The following ARAP2 variants were observed in gnomAD, a reference collection of about 807,000 sequenced individuals.
ARAP2 encodes the protein ArfGAP with RhoGAP domain, ankyrin repeat and PH domain 2.
ARAP2 carries 148 observed loss-of-function variants against 194.5 expected under a neutral mutation model. The observed-to-expected ratio is 0.76, with a 90% CI of 0.67 to 0.87. The LOEUF (loss-of-function observed/expected upper bound fraction) is 0.87, where lower values mean the gene tolerates loss of function less well. ARAP2 is among the 40% of genes least tolerant of loss of function. ARAP2 has a pLI of 0.00. For synonymous variants in ARAP2, 695 were observed against 683.5 expected (o/e 1.02, Z -0.26); for missense variants, 2,128 against 1,989.7 (o/e 1.07, Z -1.32).
intron 8 of ARAP2, among the ~76,000 whole-genome samples, chr4:36,183,101 T>G (rs1578196353): frequency 6.6e-6 from 1 of 152,058 alleles, no homozygotes; most frequent in Admixed American, 6.5e-5. Flanking sequence ...TTCCAGAATA[T>G]CATAATGAAG....
At chr4:36,191,820 T>C (rs1741976715) in intron 7 of ARAP2, among the ~76,000 whole-genome samples, 1 of 151,612 alleles carries the variant, frequency 6.6e-6, no homozygotes, top group Non-Finnish European at 1.5e-5. Flanking sequence ...AAAATGGGGG[T>C]GAGTTAGATT....
At chr4:36,087,063 T>C (rs145940975) in intron 28 of ARAP2, among the ~76,000 whole-genome samples, 138 of 152,196 alleles carry the variant, frequency 9.1e-4, no homozygotes, top group African/African-American at 3.2e-3. Context: ...TTAAAAAATA[T>C]ATACAAGCAT....
At chr4:36,148,556 A>C (rs1730192824) in intron 16 of ARAP2, 49 bp from the exon 17 acceptor site, 1 of 1,328,116 alleles carries the variant, frequency 7.5e-7, no homozygotes, top group East Asian at 2.3e-5. Flanking sequence ...TTTAGCTCTT[A>C]AGAAAATGAA....
At chr4:36,164,530 A>G (rs1001842520) in intron 11 of ARAP2, among the ~76,000 whole-genome samples, 2 of 152,180 alleles carry the variant, frequency 1.3e-5, no homozygotes, top group African/African-American at 2.4e-5. Context: ...AGTGCTCAAA[A>G]CAACACTGAG....
At chr4:36,186,581 C>G (rs981914466) in intron 8 of ARAP2, among the ~76,000 whole-genome samples, 3 of 152,210 alleles carry the variant, frequency 2.0e-5, no homozygotes, top group Non-Finnish European at 4.4e-5. Flanking sequence ...CAGGGCCACA[C>G]AGCAGAAGGT....
At chr4:36,160,839 CTAAA>C (rs1560562156) in intron 12 of ARAP2, among the ~76,000 whole-genome samples, 198 bp from the exon 13 acceptor site, 1 of 152,160 alleles carries the variant, frequency 6.6e-6, no homozygotes, top group Admixed American at 6.5e-5. Context: ...CCTACCCACT[CTAAA>C]TAATGGAGAA....
chr4:36,114,653 T>C (rs113602517), intron 25 of ARAP2, among the ~76,000 whole-genome samples: 127 of 152,132 alleles, frequency 8.3e-4, no homozygotes, highest in Admixed American at 1.9e-3. Flanking sequence ...ATTAAGAGTG[T>C]AGAGTGACTT....
At chr4:36,073,430 G>A (rs780719085) in intron 32 of ARAP2, among the ~76,000 whole-genome samples, 1 of 152,024 alleles carries the variant, frequency 6.6e-6, no homozygotes, top group Non-Finnish European at 1.5e-5. Flanking sequence ...ATTTCTATAC[G>A]CATATTTTAA....
chr4:36,159,194 G>C, intron 14 of ARAP2, 137 bp downstream of exon 14: 7 of 876,428 alleles, frequency 8.0e-6, no homozygotes, highest in Non-Finnish European at 9.7e-6. Context: ...ATAGTCTTAG[G>C]CATCTCCATC....
At chr4:36,151,899 T>C (rs1224387582) in intron 15 of ARAP2, among the ~76,000 whole-genome samples, 1 of 152,200 alleles carries the variant, frequency 6.6e-6, no homozygotes, top group Admixed American at 6.5e-5. Context: ...GGGTAAAATG[T>C]ATATGAGAAT....
At chr4:36,118,070 A>C (rs901331378) in intron 24 of ARAP2, among the ~76,000 whole-genome samples, 2 of 151,394 alleles carry the variant, frequency 1.3e-5, no homozygotes, top group South Asian at 4.1e-4. Flanking sequence ...ACTTGTGGGG[A>C]AAAAAATTTT....
intron 8 of ARAP2, among the ~76,000 whole-genome samples, chr4:36,182,495 CTAAATAAATAAATAAA>C (rs71201004): frequency 2.1e-5 from 3 of 140,698 alleles, no homozygotes; most frequent in Non-Finnish European, 3.1e-5. Flanking sequence ...GACTCCATCT[CTAAATAAATAAATAAA>C]TAAATAAATA....
chr4:36,208,431 T>C (rs954870083), intron 6 of ARAP2, among the ~76,000 whole-genome samples: 1 of 152,222 alleles, frequency 6.6e-6, no homozygotes, highest in African/African-American at 2.4e-5. Flanking sequence ...CTATAAAGCT[T>C]AAAATATTTA....
Position 36,119,852 on chromosome 4 carries a change from T to G in ARAP2, c.3895-134A>C, listed in dbSNP as rs1317014383. On this transcript the variant is annotated intron_variant, in intron 23 of 32. Coordinates refer to ENST00000303965, the MANE Select transcript of ARAP2 (RefSeq NM_015230.4). ...ATGAGAATGGCCATCGGAATCAATA[T>G]GAGCCCACACAGCTAGGGTGGAAAC... The G allele has an allele frequency of 1.2e-5, 7 of 569,908 alleles. No individual in the cohort carries two copies. The East Asian group carries it at 2.0e-4, about 16-fold the overall frequency. The allele number at this position is 569,908 out of a possible 1,614,324, so 35.3% of individuals were successfully genotyped here. A position where few individuals can be genotyped will look rare whatever the true frequency, so the allele number is the denominator to read the frequency against.
At chr4:36,152,423 G>GAA (rs994846619) in intron 15 of ARAP2, among the ~76,000 whole-genome samples, 2 of 152,074 alleles carry the variant, frequency 1.3e-5, no homozygotes, top group African/African-American at 4.8e-5. Flanking sequence ...GAATCAAAGG[G>GAA]AGTTTGGAAG....
intron 5 of ARAP2, among the ~76,000 whole-genome samples, chr4:36,024,605 C>T (rs1717582285): frequency 6.6e-6 from 1 of 152,102 alleles, no homozygotes; most frequent in African/African-American, 2.4e-5. Flanking sequence ...CAAATTCATA[C>T]ACTTTCTACT....
At chr4:36,072,180 AT>A (rs1317693047) in intron 32 of ARAP2, among the ~76,000 whole-genome samples, 1 of 152,134 alleles carries the variant, frequency 6.6e-6, no homozygotes, top group Non-Finnish European at 1.5e-5. Context: ...CATTTAAAAA[AT>A]GTCTTTGCCA....
rs1237450258 is a variant in ARAP2, at chr4:36,057,382, G to A, written n.321+588C>T. On this transcript the variant is annotated intron_variant and non_coding_transcript_variant, in intron 2 of 12. Transcript: ENST00000503225. The stretch of plus-strand genomic sequence containing the variant: ...TTTAATTTACCTTGCTTAGAGTTCG[G>A]CTAACATATTGAATCTATTGGTATA... Among the ~76,000 whole-genome samples, 3 of 150,652 alleles carry A rather than the reference G, an allele frequency of 2.0e-5. No individual in the cohort carries two copies. The East Asian group carries it at 5.8e-4, about 29-fold the overall frequency.
intron 5 of ARAP2, among the ~76,000 whole-genome samples, chr4:36,044,304 A>G (rs1721446724): frequency 6.6e-6 from 1 of 152,208 alleles, no homozygotes; most frequent in African/African-American, 2.4e-5. Flanking sequence ...GTCTGATTAG[A>G]GAAACTTCAA....
Sources: gnomAD v4.1 joint callset for allele counts (sites outside exome capture counted in the v4.1 genomes callset) on GRCh38, gnomAD v4.1.1 for gene constraint, MANE v1.5 for transcripts, NCBI Gene and HGNC (gene_info 2026-07-23, HGNC 2026-07-21) for gene names.